Variants in MACO1 observed in about 807,000 individuals in gnomAD.
The protein encoded by MACO1 is macoilin 1, also known as macoilin.
Under a neutral mutation model 78.7 loss-of-function variants are expected in MACO1, and 14 were observed. The observed-to-expected ratio is 0.18, with a 90% CI of 0.12 to 0.28. The LOEUF is 0.28. Among genes scored for constraint, MACO1 ranks in the 10% least tolerant of loss-of-function variants. The probability of loss-of-function intolerance (pLI) is 1.00; values close to 1 mark genes in which losing one functional copy is unlikely to be tolerated. For missense variants in MACO1, 501 were observed against 799.0 expected, an observed-to-expected ratio of 0.63 and a Z score of 4.50; for synonymous variants, 288 against 291.6, an observed-to-expected ratio of 0.99 and a Z score of 0.12.
intron 7 of MACO1, among the ~76,000 whole-genome samples, chr1:25,484,553 G>A (rs890482560): frequency 6.6e-6 from 1 of 152,172 alleles, no homozygotes; most frequent in Admixed American, 6.5e-5. Flanking sequence ...TTTTTGGATA[G>A]TAAAATTGAC....
At chr1:25,456,876 A>G in intron 5 of MACO1, 45 bp downstream of exon 5, 2 of 1,532,418 alleles carry the variant, frequency 1.3e-6, no homozygotes, top group Non-Finnish European at 1.7e-6. Context: ...GCTAGTCATT[A>G]TTTTGTCTCT....
chr1:25,436,270 C>A (rs1262232795), intron 1 of MACO1, among the ~76,000 whole-genome samples: 1 of 151,640 alleles, frequency 6.6e-6, no homozygotes, highest in African/African-American at 2.4e-5. Context: ...TCTCCCAGAT[C>A]TCCCCACTGA....
intron 6 of MACO1, among the ~76,000 whole-genome samples, chr1:25,480,247 T>C (rs965660601): frequency 2.2e-4 from 34 of 152,260 alleles, no homozygotes; most frequent in African/African-American, 8.0e-4. Flanking sequence ...TGTTTTATGT[T>C]ATCCTGCATG....
At chr1:25,464,883 C>CAGCT (rs1288196400) in intron 6 of MACO1, among the ~76,000 whole-genome samples, 1 of 151,184 alleles carries the variant, frequency 6.6e-6, no homozygotes, top group Non-Finnish European at 1.5e-5. Context: ...CCATGTTAAC[C>CAGCT]AGCTGGTCTT....
At chr1:25,440,780 A>C (rs866867227) in intron 1 of MACO1, among the ~76,000 whole-genome samples, 14 of 152,088 alleles carry the variant, frequency 9.2e-5, no homozygotes, top group South Asian at 2.1e-4. Context: ...AAAAAAAAAA[A>C]AAAAAGAAAA....
chr1:25,458,393 G>A lies in MACO1; in HGVS notation c.655G>A (p.Ala219Thr). ...QKQEKEAEEA[A>T]KGLPDMDSSI... ...TTGGTTTGTTTTTGGTATTGTAGCAGCCAAAGGATTACCTGATATGGATTC... is the reference window on the plus strand; with the variant it reads ...TTGGTTTGTTTTTGGTATTGTAGCAACCAAAGGATTACCTGATATGGATTC... The change falls in exon 6 of 11, where the codon GCC becomes ACC. Residue 219 changes from alanine to threonine, a missense_variant and splice_region_variant. Physicochemically the swap from Ala to Thr is moderately conservative, Grantham distance 58 (BLOSUM62 0). This residue lies in a region of MACO1 where 171 missense variants were observed against 292.1 expected (regional missense o/e 0.59). Transcript: ENST00000374343. The A allele has an allele frequency of 6.3e-7, 1 of 1,574,960 alleles. No homozygotes were observed. Among genetic ancestry groups the A allele is most frequent in the Non-Finnish European group, 8.6e-7 (1 of 1,166,002 alleles).
intron 3 of MACO1, among the ~76,000 whole-genome samples, chr1:25,452,710 T>C (rs968590686): frequency 4.0e-5 from 6 of 151,850 alleles, no homozygotes; most frequent in Admixed American, 1.3e-4. Context: ...TTTTTTTTTT[T>C]TTTTGAGGCA....
At chr1:25,471,882 TCC>T (rs1161987933) in intron 6 of MACO1, among the ~76,000 whole-genome samples, 1 of 152,180 alleles carries the variant, frequency 6.6e-6, no homozygotes, top group Non-Finnish European at 1.5e-5. Context: ...AATCCAGCAC[TCC>T]GTCAGTAGTT....
Position 25,458,465 on chromosome 1 carries a change from C to A in MACO1, c.727C>A (p.Leu243Ile), listed in dbSNP as rs1194839432. 1 of 1,613,176 alleles carries A rather than the reference C, an allele frequency of 6.2e-7. No homozygotes were observed. The highest frequency in any genetic ancestry group is 1.7e-5 in the Admixed American group (1 of 59,760). ...HNGGIPANKK[L>I]STTLPEIEYR... is the part of the protein sequence containing the mutation. ...TGGAGGTATCCCAGCCAACAAAAAA[C>A]TCTCCACAACTTTGCCAGAGATAGA... is the stretch of plus-strand genomic sequence containing the variant. The change falls in exon 6 of 11, where the codon CTC becomes ATC. Residue 243 changes from leucine (L) to isoleucine (I), a missense_variant. Coordinates refer to ENST00000374343, the MANE Select transcript of MACO1 (RefSeq NM_018202.6).
At chr1:25,438,514 T>C (rs1262293586) in intron 1 of MACO1, among the ~76,000 whole-genome samples, 4 of 152,068 alleles carry the variant, frequency 2.6e-5, no homozygotes, top group Non-Finnish European at 5.9e-5. Context: ...ATTGAAAGAG[T>C]ACAGAAACAG....
chr1:25,481,641 T>G (rs753251975), intron 6 of MACO1, among the ~76,000 whole-genome samples: 5 of 152,228 alleles, frequency 3.3e-5, no homozygotes, highest in Non-Finnish European at 5.9e-5. Context: ...TTGACCTCTT[T>G]CGGAATATAT....
At chr1:25,444,654 G>A (rs1472640975) in intron 1 of MACO1, among the ~76,000 whole-genome samples, 4 of 151,968 alleles carry the variant, frequency 2.6e-5, no homozygotes, top group African/African-American at 4.8e-5. Flanking sequence ...TGGCACAGTC[G>A]TGGCTCACTG....
chr1:25,484,751 GA>G (rs1191513659), intron 7 of MACO1, among the ~76,000 whole-genome samples: 6 of 152,124 alleles, frequency 3.9e-5, no homozygotes, highest in Admixed American at 6.5e-5. Context: ...GTTCATTCTG[GA>G]ATTACTTCTT....
At chr1:25,431,441 CG>C (rs1356683539) in intron 1 of MACO1, among the ~76,000 whole-genome samples, 1 of 150,028 alleles carries the variant, frequency 6.7e-6, no homozygotes, top group African/African-American at 2.4e-5. Context: ...TTGGAAGCGC[CG>C]GGCCCGCCGG....
rs1178836294 is a variant in MACO1 at position 25,489,128 on chromosome 1, A to G, written c.1497-45A>G. 5 of 1,592,096 alleles carry G rather than the reference A, an allele frequency of 3.1e-6. No homozygotes were observed. In the South Asian group the frequency reaches 5.6e-5, roughly 18 times the overall value. On this transcript the variant is annotated intron_variant, in intron 8 of 10. Transcript: ENST00000374343. The stretch of plus-strand genomic sequence containing the variant: ...GAGTCACAGGGCCCAGCCCCAACCT[A>G]TAGTCTTTTAAATCACTTTATTTCC...
At chr1:25,479,238 A>G (rs530189899) in intron 6 of MACO1, among the ~76,000 whole-genome samples, 1 of 152,324 alleles carries the variant, frequency 6.6e-6, no homozygotes, top group Non-Finnish European at 1.5e-5. Context: ...TTTTAACACC[A>G]CTTAATAAAA....
At chr1:25,492,503 G>GAA (rs921128301) in intron 10 of MACO1, among the ~76,000 whole-genome samples, 1 of 152,028 alleles carries the variant, frequency 6.6e-6, no homozygotes, top group Non-Finnish European at 1.5e-5. Flanking sequence ...GGCAGCAAGT[G>GAA]AAAAGCCCGG....
At chr1:25,490,627 T>C (rs2043477084) in intron 9 of MACO1, among the ~76,000 whole-genome samples, 1 of 152,180 alleles carries the variant, frequency 6.6e-6, no homozygotes, top group Non-Finnish European at 1.5e-5. Context: ...ATCGTAGTGG[T>C]ATAAAAATGC....
At chr1:25,445,365 AG>A (rs749685336) in intron 1 of MACO1, among the ~76,000 whole-genome samples, 5 of 151,846 alleles carry the variant, frequency 3.3e-5, no homozygotes, top group African/African-American at 9.7e-5. Flanking sequence ...CATACCTCTT[AG>A]TAGAAACTTA....
Sources: allele counts gnomAD v4.1 joint callset (sites outside exome capture counted in the v4.1 genomes callset), GRCh38; gene constraint gnomAD v4.1.1; regional missense constraint gnomAD v4.1.1; transcripts MANE v1.5; gene names NCBI Gene and HGNC (gene_info 2026-07-23, HGNC 2026-07-21).